OXR1: variants seen among roughly 807,000 people sequenced by gnomAD.
OXR1 encodes oxidation resistance 1.
In OXR1, 41 loss-of-function variants were observed where a neutral mutation model predicts 104.6. The ratio of observed to expected loss-of-function variants is 0.39; its 90% CI spans 0.31 to 0.51. OXR1 has a LOEUF of 0.51. Ranked by LOEUF, OXR1 falls within the 20% of genes least tolerant of loss-of-function variation. The pLI is 0.77. For synonymous variants in OXR1, 348 were observed against 348.4 expected, an observed-to-expected ratio of 1.00 and a Z score of 0.01; for missense variants, 955 against 1,031.9, an observed-to-expected ratio of 0.93 and a Z score of 1.02.
intron 3 of OXR1, among the ~76,000 whole-genome samples, chr8:106,531,763 C>G (rs191144561): frequency 6.6e-6 from 1 of 152,036 alleles, no homozygotes; most frequent in Admixed American, 6.6e-5. Flanking sequence ...AAAAAAGGTA[C>G]GTGGTGTGCT....
chr8:106,356,739 TAA>T (rs11291511), intron 1 of OXR1, among the ~76,000 whole-genome samples: 1 of 151,266 alleles, frequency 6.6e-6, no homozygotes, highest in Admixed American at 6.6e-5. Context: ...AAAATAATAA[TAA>T]AAAAAAAGGT....
At chr8:106,745,646 G>A (rs577726003) in intron 15 of OXR1, 143 bp from the exon 16 acceptor site, 89 of 451,822 alleles carry the variant, frequency 2.0e-4, no homozygotes, top group African/African-American at 1.6e-3. Flanking sequence ...AACCACCAGA[G>A]CCTTCTGTGC....
intron 1 of OXR1, among the ~76,000 whole-genome samples, chr8:106,326,273 GA>G (rs1315846289): frequency 6.6e-6 from 1 of 152,162 alleles, no homozygotes. Context: ...GTGTTGCGTA[GA>G]AAACAACAAC....
intron 3 of OXR1, among the ~76,000 whole-genome samples, chr8:106,541,195 C>A (rs1814926616): frequency 6.6e-6 from 1 of 152,024 alleles, no homozygotes; most frequent in Non-Finnish European, 1.5e-5. Flanking sequence ...AAATAATACC[C>A]ACAAGTAACA....
chr8:106,665,337 A>T (rs184440457), intron 3 of OXR1, among the ~76,000 whole-genome samples: 14 of 152,342 alleles, frequency 9.2e-5, no homozygotes, highest in South Asian at 4.1e-4. Context: ...TGTGGGTAGA[A>T]TGTGTAAACT....
chr8:106,483,793 A>T (rs898397288), intron 2 of OXR1, among the ~76,000 whole-genome samples: 2 of 152,072 alleles, frequency 1.3e-5, no homozygotes, highest in African/African-American at 4.8e-5. Context: ...TGATGTCATT[A>T]TAAGCTAAGG....
chr8:106,691,707 A>C (rs1399875743), intron 6 of OXR1, among the ~76,000 whole-genome samples: 2 of 150,336 alleles, frequency 1.3e-5, no homozygotes, highest in Non-Finnish European at 3.0e-5. Flanking sequence ...GGAATTGAGG[A>C]ATCACAAAAT....
chr8:106,570,601 G>A (rs898011047), intron 3 of OXR1, among the ~76,000 whole-genome samples: 1 of 152,118 alleles, frequency 6.6e-6, no homozygotes, highest in African/African-American at 2.4e-5. Flanking sequence ...CTTCTGAAAT[G>A]GTGCAAGAAG....
In OXR1 at chr8:106,499,955, T is replaced by C. The variant is rs1429328577; in HGVS notation, c.24-18988T>C. 2.0e-5 allele frequency among the ~76,000 whole-genome samples: 3 copies of C among 152,222 alleles called. No homozygotes were observed. In the East Asian group the frequency reaches 5.8e-4, roughly 29 times the overall value. On this transcript the variant is annotated intron_variant, in intron 2 of 16. Transcript: ENST00000517566. ...GTGGCCTGTGACGCTGAGAAGTGAA[T>C]GCTAAATATGTAGTCACTGAGCTTT...
intron 3 of OXR1, chr8:106,581,324 T>A (rs1223908851): frequency 1.5e-5 from 14 of 955,964 alleles, no homozygotes; most frequent in Non-Finnish European, 1.7e-5. Context: ...AACCACTTGT[T>A]GAGGCAAGCG....
chr8:106,597,555 T>C (rs1819626410), intron 3 of OXR1, among the ~76,000 whole-genome samples: 1 of 152,250 alleles, frequency 6.6e-6, no homozygotes, highest in African/African-American at 2.4e-5. Flanking sequence ...GGGTATTTTA[T>C]ATTTGTACAA....
intron 3 of OXR1, among the ~76,000 whole-genome samples, chr8:106,636,576 G>A (rs1162616786): frequency 2.0e-5 from 3 of 152,208 alleles, no homozygotes; most frequent in East Asian, 1.9e-4. Context: ...TATTTATAGA[G>A]TGAGTCAGTG....
chr8:106,542,750 A>C (rs1394131415), intron 3 of OXR1, among the ~76,000 whole-genome samples: 2 of 152,094 alleles, frequency 1.3e-5, no homozygotes, highest in African/African-American at 4.8e-5. Flanking sequence ...AAGAAAGTAA[A>C]TTTCTCATTA....
At chr8:106,720,164 C>G (rs750475178) in intron 11 of OXR1, among the ~76,000 whole-genome samples, 5 of 152,154 alleles carry the variant, frequency 3.3e-5, no homozygotes, top group African/African-American at 4.8e-5. Context: ...TGGTTAATCT[C>G]TAATTCAGAG....
At chr8:106,749,739 C>A (rs1048320887) in intron 16 of OXR1, among the ~76,000 whole-genome samples, 8 of 152,122 alleles carry the variant, frequency 5.3e-5, no homozygotes, top group Non-Finnish European at 7.3e-5. Context: ...CAAGGGATAG[C>A]TCTCTGGATA....
chr8:106,468,761 A>T (rs1224561285), intron 2 of OXR1, among the ~76,000 whole-genome samples: 1 of 151,834 alleles, frequency 6.6e-6, no homozygotes, highest in Non-Finnish European at 1.5e-5. Context: ...GACAAGAAAG[A>T]ACACAGAGAG....
intron 3 of OXR1, among the ~76,000 whole-genome samples, chr8:106,643,988 G>A (rs1563664426): frequency 6.6e-6 from 1 of 152,174 alleles, no homozygotes; most frequent in Admixed American, 6.5e-5. Context: ...TGGGAGAACA[G>A]TATGTAAAAC....
chr8:106,420,889 A>G (rs1011459628), intron 2 of OXR1, among the ~76,000 whole-genome samples: 2 of 152,070 alleles, frequency 1.3e-5, no homozygotes, highest in African/African-American at 2.4e-5. Flanking sequence ...GATGACCTAC[A>G]ATGAAGACCC....
intron 1 of OXR1, among the ~76,000 whole-genome samples, chr8:106,284,532 A>G (rs1376979069): frequency 8.5e-5 from 13 of 152,210 alleles, no homozygotes; most frequent in Admixed American, 7.2e-4. Flanking sequence ...AACAGATAGT[A>G]TTCAGCAAAA....
Sources: allele counts gnomAD v4.1 joint callset (sites outside exome capture counted in the v4.1 genomes callset), GRCh38; gene constraint gnomAD v4.1.1; transcripts MANE v1.5; gene names NCBI Gene and HGNC (gene_info 2026-07-23, HGNC 2026-07-21).